The following VPS13B variants were observed in gnomAD, a reference collection of about 807,000 sequenced individuals.
VPS13B encodes the protein vacuolar protein sorting 13 homolog B.
In VPS13B, 285 loss-of-function variants were observed where a neutral mutation model predicts 426.4. The ratio of observed to expected loss-of-function variants is 0.67; its 90% confidence interval spans 0.61 to 0.74. The LOEUF (loss-of-function observed/expected upper bound fraction) is 0.74. VPS13B is among the 30% of genes least tolerant of loss of function. The pLI, the probability that VPS13B is intolerant of heterozygous loss-of-function variation, is 0.00. For synonymous variants in VPS13B, 1,676 were observed against 1,676.4 expected, an observed-to-expected ratio of 1.00 and a Z score of 0.01; for missense variants, 4,537 against 4,782.6, an observed-to-expected ratio of 0.95 and a Z score of 1.51.
chr8:99,844,363 C>CTTT (rs71572047), intron 54 of VPS13B, among the ~76,000 whole-genome samples: 17 of 131,036 alleles, frequency 1.3e-4, no homozygotes, highest in African/African-American at 3.7e-4. Flanking sequence ...CTTTCTCAGG[C>CTTT]TTTTTTTTTT....
At chr8:99,562,537 T>A (rs1388806593) in intron 31 of VPS13B, among the ~76,000 whole-genome samples, 1 of 152,186 alleles carries the variant, frequency 6.6e-6, no homozygotes, top group Admixed American at 6.5e-5. Flanking sequence ...AGCCTTAGCC[T>A]CCCAAAGTTC....
intron 4 of VPS13B, among the ~76,000 whole-genome samples, chr8:99,101,086 TAG>T (rs1846714199): frequency 6.6e-6 from 1 of 151,576 alleles, no homozygotes; most frequent in Non-Finnish European, 1.5e-5. Context: ...TTTTGAGAAA[TAG>T]GGAAACCAAT....
chr8:99,871,032 A>G, intron 60 of VPS13B, 145 bp downstream of exon 60: 1 of 822,406 alleles, frequency 1.2e-6, no homozygotes. Flanking sequence ...GCACAAGAGC[A>G]CTGTAGAGGG....
At chr8:99,187,418 T>C (rs1206114675) in intron 16 of VPS13B, among the ~76,000 whole-genome samples, 1 of 152,146 alleles carries the variant, frequency 6.6e-6, no homozygotes, top group Admixed American at 6.5e-5. Context: ...TTGAGTCATA[T>C]TTGTTTATCC....
At chr8:99,221,585 G>A (rs1383818445) in intron 17 of VPS13B, among the ~76,000 whole-genome samples, 1 of 152,042 alleles carries the variant, frequency 6.6e-6, no homozygotes, top group Admixed American at 6.5e-5. Context: ...AATGACTATT[G>A]CTTTTTTAAA....
At chr8:99,345,672 C>G (rs1339876270) in intron 19 of VPS13B, among the ~76,000 whole-genome samples, 1 of 151,800 alleles carries the variant, frequency 6.6e-6, no homozygotes, top group African/African-American at 2.4e-5. Context: ...TCTTATTTTC[C>G]CTACATGAGC....
At chr8:99,255,785 A>G (rs982876022) in intron 17 of VPS13B, among the ~76,000 whole-genome samples, 13 of 152,046 alleles carry the variant, frequency 8.6e-5, no homozygotes, top group African/African-American at 2.9e-4. Context: ...TTATTGCCGC[A>G]GGTTGGTAAA....
intron 35 of VPS13B, among the ~76,000 whole-genome samples, chr8:99,699,062 T>G (rs146368258): frequency 2.6e-5 from 4 of 151,712 alleles, no homozygotes; most frequent in African/African-American, 9.7e-5. Flanking sequence ...ATTGTAGGGA[T>G]ACTTGGATAA....
intron 8 of VPS13B, among the ~76,000 whole-genome samples, chr8:99,130,093 A>G (rs951297480): frequency 1.3e-5 from 2 of 152,242 alleles, no homozygotes; most frequent in Non-Finnish European, 2.9e-5. Flanking sequence ...CTTCTTGGGC[A>G]GTATTTGTCA....
intron 29 of VPS13B, among the ~76,000 whole-genome samples, chr8:99,515,732 T>C (rs1822035667): frequency 6.6e-6 from 1 of 152,124 alleles, no homozygotes; most frequent in African/African-American, 2.4e-5. Flanking sequence ...AAAGGATTGC[T>C]AGGTCAAAGG....
chr8:99,089,056 A>G (rs7816170), intron 3 of VPS13B, among the ~76,000 whole-genome samples: 3,360 of 152,188 alleles, frequency 0.022, 122 homozygotes, highest in African/African-American at 0.075. Context: ...TTAGTATTAT[A>G]TTTTTCAGTT....
chr8:99,350,482 G>C (rs1236334573), intron 19 of VPS13B, among the ~76,000 whole-genome samples: 5 of 152,176 alleles, frequency 3.3e-5, no homozygotes, highest in African/African-American at 9.7e-5. Context: ...TCTTATGAGA[G>C]AGAAATAGGA....
chr8:99,852,062 T>C (rs960369447), intron 55 of VPS13B, among the ~76,000 whole-genome samples: 1 of 152,142 alleles, frequency 6.6e-6, no homozygotes, highest in Non-Finnish European at 1.5e-5. Flanking sequence ...GAAAAGTCAA[T>C]GGGATTTTCC....
intron 3 of VPS13B, among the ~76,000 whole-genome samples, chr8:99,053,305 A>G (rs1843662550): frequency 6.6e-6 from 1 of 151,818 alleles, no homozygotes; most frequent in Admixed American, 6.6e-5. Context: ...CGCACCCCAC[A>G]ACAGTCCCCA....
chr8:99,868,800 GGA>G (rs1254152802), intron 59 of VPS13B, among the ~76,000 whole-genome samples: 2 of 152,246 alleles, frequency 1.3e-5, no homozygotes, highest in African/African-American at 4.8e-5. Flanking sequence ...AAATGTGGAA[GGA>G]GAGAGAGGCT....
intron 30 of VPS13B, among the ~76,000 whole-genome samples, chr8:99,551,939 GA>G (rs1444741145): frequency 6.6e-6 from 1 of 151,998 alleles, no homozygotes; most frequent in African/African-American, 2.4e-5. Flanking sequence ...ATAATTATAA[GA>G]CATTATCTCT....
chr8:99,659,969 GT>G (rs1830162261), intron 34 of VPS13B, among the ~76,000 whole-genome samples: 1 of 152,148 alleles, frequency 6.6e-6, no homozygotes, highest in Non-Finnish European at 1.5e-5. Flanking sequence ...CTACAAACTG[GT>G]TGTAGATCCT....
intron 25 of VPS13B, among the ~76,000 whole-genome samples, chr8:99,496,018 A>G (rs932346089): frequency 2.0e-5 from 3 of 152,088 alleles, no homozygotes; most frequent in African/African-American, 7.2e-5. Flanking sequence ...GTGATGGGGC[A>G]TGGATGTGCG....
chr8:99,558,438 C>G (rs898589942), intron 31 of VPS13B, among the ~76,000 whole-genome samples: 1 of 151,982 alleles, frequency 6.6e-6, no homozygotes, highest in African/African-American at 2.4e-5. Context: ...CTTTTAAGTT[C>G]TAGGGTACAT....
Sources: allele counts gnomAD v4.1 joint callset (sites outside exome capture counted in the v4.1 genomes callset), GRCh38; gene constraint gnomAD v4.1.1; transcripts MANE v1.5; gene names NCBI Gene and HGNC (gene_info 2026-07-23, HGNC 2026-07-21).